EFR3B: variants seen among roughly 807,000 people sequenced by gnomAD.
The protein encoded by EFR3B is EFR3 homolog B.
In EFR3B, 64 loss-of-function variants were observed where a neutral mutation model predicts 104.7. That is an observed-to-expected ratio of 0.61 (90% CI 0.50 to 0.75). EFR3B has a LOEUF of 0.75. Ranked by LOEUF, EFR3B falls within the 30% of genes least tolerant of loss-of-function variation. EFR3B has a pLI of 0.00. For synonymous variants in EFR3B, 385 were observed against 417.9 expected, an observed-to-expected ratio of 0.92 and a Z score of 0.96; for missense variants, 750 against 1,078.5, an observed-to-expected ratio of 0.70 and a Z score of 4.27.
intron 1 of EFR3B, among the ~76,000 whole-genome samples, chr2:25,076,676 A>G (rs1468559299): frequency 6.6e-6 from 1 of 152,222 alleles, no homozygotes; most frequent in Non-Finnish European, 1.5e-5. Flanking sequence ...CTTGAAGAGC[A>G]TATCAAAGCC....
chr2:25,153,468 G>A (rs1426240863), intron 21 of EFR3B, among the ~76,000 whole-genome samples: 2 of 152,146 alleles, frequency 1.3e-5, no homozygotes, highest in African/African-American at 2.4e-5. Flanking sequence ...GCCTGCTGAC[G>A]TCCTCCCTGG....
At chr2:25,055,356 C>T (rs1004093442) in intron 1 of EFR3B, among the ~76,000 whole-genome samples, 3 of 152,204 alleles carry the variant, frequency 2.0e-5, no homozygotes, top group African/African-American at 4.8e-5. Context: ...TTGGGTTATA[C>T]GAGTCCCTCA....
At chr2:25,120,350 C>CA (rs148580237) in intron 4 of EFR3B, among the ~76,000 whole-genome samples, 18,241 of 145,200 alleles carry the variant, frequency 0.13, 2,146 homozygotes, top group African/African-American at 0.31. Flanking sequence ...GACTTCATCT[C>CA]AAAAAAAAAC....
intron 1 of EFR3B, among the ~76,000 whole-genome samples, chr2:25,074,679 G>A (rs1349748190): frequency 4.7e-5 from 7 of 149,890 alleles, no homozygotes; most frequent in South Asian, 2.1e-4. Flanking sequence ...GTACCGTGGC[G>A]TGATCTCGGC....
rs1296340569 is a variant in EFR3B at position 25,103,804 on chromosome 2, G to A, written c.363+17G>A. ...ACCAACTCGGTAAGGAGCGGCCCAG[G>A]GGGCTCCAGGTCTCCCAGCCGCATC... On this transcript the variant is annotated intron_variant, in intron 4 of 22. Coordinates refer to ENST00000403714, the MANE Select transcript of EFR3B (RefSeq NM_014971.2). The A allele has an allele frequency of 6.4e-7, 1 of 1,550,620 alleles. No homozygotes were observed.
intron 17 of EFR3B, among the ~76,000 whole-genome samples, chr2:25,141,736 C>G (rs184505499): frequency 6.6e-6 from 1 of 152,340 alleles, no homozygotes. Flanking sequence ...CAAGACATTA[C>G]TGTAAATCCA....
At chr2:25,047,430 G>C (rs928210079) in intron 1 of EFR3B, among the ~76,000 whole-genome samples, 1 of 152,146 alleles carries the variant, frequency 6.6e-6, no homozygotes, top group African/African-American at 2.4e-5. Flanking sequence ...ATTAGGATAA[G>C]AGAGCTGCCC....
rs555892323 is a variant in EFR3B, at chr2:25,103,673, G to C, written c.249G>C (p.Leu83=). ...TTGCTATGGAGGCTTTGGACCAGCT[G>C]CTCATGGCCTGCCACTGCCAGAGCA... ...VCIAMEALDQ[L]LMACHCQSIN... Residue 83 remains leucine, a synonymous_variant, in exon 4 of 23, where the codon CTG becomes CTC. Transcript: ENST00000403714. The C allele has an allele frequency of 1.1e-4, 169 of 1,551,670 alleles. 2 individuals carry two copies. In the South Asian group the frequency reaches 1.9e-3, roughly 17 times the overall value.
rs902324075 is a variant in EFR3B, at chr2:25,137,357, A to T, written c.1577A>T (p.Tyr526Phe). ...VFMKKHSQQLYRHIYLSCKEE... is the reference protein window; with the variant it reads ...VFMKKHSQQLFRHIYLSCKEE... ...TGTCCCCAGCACTCCCAGCAGCTCT[A>T]CAGACACATCTACCTGAGCTGCAAG... Residue 526 changes from tyrosine to phenylalanine, a missense_variant, in exon 15 of 23, where the codon TAC becomes TTC. Tyr to Phe is a conservative substitution (Grantham distance 22). Coordinates refer to ENST00000403714, the MANE Select transcript of EFR3B (RefSeq NM_014971.2). The surrounding 1 kb of genome is among the most constrained non-coding windows in gnomAD (Gnocchi z 4.7). 1 of 1,552,106 alleles carries T rather than the reference A, an allele frequency of 6.4e-7. No homozygotes were observed. The highest frequency in any genetic ancestry group is 8.7e-7 in the Non-Finnish European group (1 of 1,147,104).
chr2:25,060,953 A>AC, intron 1 of EFR3B, among the ~76,000 whole-genome samples: 1 of 145,474 alleles, frequency 6.9e-6, no homozygotes, highest in Non-Finnish European at 1.5e-5. Flanking sequence ...AACAACAACA[A>AC]AAACCAAAAA....
intron 2 of EFR3B, among the ~76,000 whole-genome samples, chr2:25,091,984 A>G (rs1669138772): frequency 6.6e-6 from 1 of 151,624 alleles, no homozygotes; most frequent in Non-Finnish European, 1.5e-5. Flanking sequence ...TGATGGGAGC[A>G]TCCTTTGTAG....
chr2:25,137,002 C>T lies in EFR3B; in HGVS notation c.1561-339C>T, dbSNP rs562352183. On this transcript the variant is annotated intron_variant, in intron 14 of 22. Coordinates refer to ENST00000403714, the MANE Select transcript of EFR3B (RefSeq NM_014971.2). The surrounding 1 kb of genome is among the most constrained non-coding windows in gnomAD (Gnocchi z 4.7). ...GCTCTGTCTCCTCTCTCTGTAGCTA[C>T]GTCTCCTCCCTCTGTGGCTATGTGT... Among the ~76,000 whole-genome samples the T allele has an allele frequency of 9.2e-5, 14 of 152,014 alleles. No homozygotes were observed. The highest frequency in any genetic ancestry group is 1.8e-4 in the Non-Finnish European group (12 of 68,002).
At chr2:25,117,012 G>T (rs1199684239) in intron 4 of EFR3B, among the ~76,000 whole-genome samples, 1 of 152,198 alleles carries the variant, frequency 6.6e-6, no homozygotes, top group African/African-American at 2.4e-5. Flanking sequence ...GTGAGCAGCT[G>T]CACTGGCTGT....
intron 21 of EFR3B, among the ~76,000 whole-genome samples, chr2:25,152,875 G>T (rs1023169750): frequency 6.6e-6 from 1 of 151,870 alleles, no homozygotes; most frequent in African/African-American, 2.4e-5. Context: ...TCCTGGGCCT[G>T]TATTGTTCTA....
In EFR3B at chr2:25,136,639, C is replaced by T. The variant is rs1026393794; in HGVS notation, c.1560+41C>T. The T allele has an allele frequency of 1.4e-5, 21 of 1,516,476 alleles. No individual in the cohort carries two copies. The highest frequency in any genetic ancestry group is 1.2e-4 in the Admixed American group (6 of 50,780). The allele number at this position is 1,516,476 out of a possible 1,614,324, so 93.9% of individuals were successfully genotyped here. A position where few individuals can be genotyped will look rare whatever the true frequency, so the allele number is the denominator to read the frequency against. On this transcript the variant is annotated intron_variant, in intron 14 of 22. Transcript: ENST00000403714. The surrounding 1 kb of genome is among the most constrained non-coding windows in gnomAD (Gnocchi z 4.0). The stretch of plus-strand genomic sequence containing the variant: ...CTCCAGGCACAGTGAAGGGCGGGCA[C>T]GGTGGCTCACGCCTGCAATCCCAGC...
chr2:25,153,876 A>G, intron 22 of EFR3B, 115 bp downstream of exon 22: 1 of 1,088,620 alleles, frequency 9.2e-7, no homozygotes, highest in Non-Finnish European at 1.4e-6. Context: ...TCCTTCTACC[A>G]CTGTAATCTC....
rs1158718267 is a variant in EFR3B, at chr2:25,103,633, C to G, written c.213-4C>G. ...CCAGTGACGGCATGTGCTGCCCTCCCCAGGTACGTGTGCATTGCTATGGAG... is the reference window on the plus strand; with the variant it reads ...CCAGTGACGGCATGTGCTGCCCTCCGCAGGTACGTGTGCATTGCTATGGAG... On this transcript the variant is annotated splice_polypyrimidine_tract_variant and splice_region_variant and intron_variant, in intron 3 of 22. Transcript: ENST00000403714. 5 of 1,548,692 alleles carry G rather than the reference C, an allele frequency of 3.2e-6. No individual in the cohort carries two copies. Among genetic ancestry groups the G allele is most frequent in the Non-Finnish European group, 4.4e-6 (5 of 1,144,792 alleles).
chr2:25,080,715 A>G lies in EFR3B; in HGVS notation c.8-10610A>G, dbSNP rs1237592716. On this transcript the variant is annotated intron_variant, in intron 1 of 22. Coordinates refer to ENST00000403714, the MANE Select transcript of EFR3B (RefSeq NM_014971.2). ...CCTTAGCAGCGTCTTTGTCATTTTC[A>G]TCTTCTTGGGTTCAGTCCTGTAGAT... The G allele has an allele frequency of 1.2e-5, 12 of 976,796 alleles. No individual in the cohort carries two copies. In the South Asian group the frequency reaches 1.5e-4, roughly 12 times the overall value. 60.5% of individuals were successfully genotyped at this position (976,796 alleles called of 1,614,324 possible). A position where few individuals can be genotyped will look rare whatever the true frequency, so the allele number is the denominator to read the frequency against.
intron 1 of EFR3B, among the ~76,000 whole-genome samples, chr2:25,071,674 C>G (rs775241424): frequency 2.3e-4 from 35 of 152,134 alleles, no homozygotes; most frequent in African/African-American, 8.2e-4. Flanking sequence ...AATGGTCTAG[C>G]CTAGGAATTT....
Sources: allele counts gnomAD v4.1 joint callset (sites outside exome capture counted in the v4.1 genomes callset), GRCh38; gene constraint gnomAD v4.1.1; non-coding constraint Gnocchi (gnomAD v3.1); transcripts MANE v1.5; gene names NCBI Gene and HGNC (gene_info 2026-07-23, HGNC 2026-07-21).